The following BTNL2 variants were observed in gnomAD, a reference collection of about 807,000 sequenced individuals.
The protein encoded by BTNL2 is butyrophilin-like protein 2.
BTNL2 carries 46 observed loss-of-function variants against 46.8 expected under a neutral mutation model. The ratio of observed to expected loss-of-function variants is 0.98; its 90% CI spans 0.78 to 1.26. The LOEUF is 1.26. Among genes scored for constraint, BTNL2 ranks in the 50% most tolerant of loss-of-function variants. The pLI is 0.00. For missense variants in BTNL2, 461 were observed against 592.6 expected (o/e 0.78, Z 2.31); for synonymous variants, 226 against 229.1 (o/e 0.99, Z 0.12).
chr6:32,399,059 G>A lies in BTNL2; in HGVS notation c.731-2673C>T, dbSNP rs116923060. Among the ~76,000 whole-genome samples, 2,441 of 152,036 alleles carry A rather than the reference G, an allele frequency of 0.016. 69 individuals carry two copies. Among genetic ancestry groups the A allele is most frequent in the East Asian group, 0.098 (502 of 5,126 alleles). Reference sequence around the variant, plus strand: ...GTGTTAAGCCCAGCATCCATTAGCTGTTCTTCCTGATGCTCTCCCTCCCCC... The same window carrying A: ...GTGTTAAGCCCAGCATCCATTAGCTATTCTTCCTGATGCTCTCCCTCCCCC... On this transcript the variant is annotated intron_variant, in intron 4 of 7. Transcript: ENST00000454136. This position sits in a 1 kb window ranked among gnomAD's most constrained non-coding sequence, Gnocchi z 5.2.
At chr6:32,400,769 T>C (rs1583262977) in intron 4 of BTNL2, among the ~76,000 whole-genome samples, 2 of 96,268 alleles carry the variant, frequency 2.1e-5, no homozygotes, top group African/African-American at 3.5e-5. Context: ...AAAAATTAGC[T>C]GGGTGTGGTG....
chr6:32,402,106 T>C (rs1474742251), intron 3 of BTNL2, among the ~76,000 whole-genome samples: 1 of 152,206 alleles, frequency 6.6e-6, no homozygotes, highest in East Asian at 1.9e-4. Context: ...GTTCCTTTTA[T>C]AGATACACAG....
Position 32,393,790 on chromosome 6 carries a change from C to A in BTNL2, c.*6+173G>T. 3.6e-6 allele frequency: 3 copies of A among 834,510 alleles called. No individual in the cohort carries two copies. The highest frequency in any genetic ancestry group is 5.2e-6 in the Non-Finnish European group (3 of 572,464). The allele number at this position is 834,510 out of a possible 1,614,324, so 51.7% of individuals were successfully genotyped here. ...GTGGAAACACTGACCTCATGCATCACTGAGCCTGGATTGCATGATAAGCCC... is the reference window on the plus strand; with the variant it reads ...GTGGAAACACTGACCTCATGCATCAATGAGCCTGGATTGCATGATAAGCCC... On this transcript the variant is annotated intron_variant, in intron 7 of 7. Transcript: ENST00000454136. The surrounding 1 kb of genome is among the most constrained non-coding windows in gnomAD (Gnocchi z 4.8).
At position 32,401,574 on chromosome 6, in the gene BTNL2, G is replaced by C. The variant is rs150975892; in HGVS notation, c.730+211C>G. Among the ~76,000 whole-genome samples, 806 of 152,212 alleles carry C rather than the reference G, an allele frequency of 5.3e-3. 9 individuals are homozygous for C. Among genetic ancestry groups the C allele is most frequent in the African/African-American group, 0.018 (761 of 41,526 alleles). ...ATCTGATGCTCACTGGAATCTCCAT[G>C]AGCCCCCAAAGTGTCAGGTAACACA... On this transcript the variant is annotated intron_variant, in intron 4 of 7. Coordinates refer to ENST00000454136, the MANE Select transcript of BTNL2 (RefSeq NM_001304561.2).
At chr6:32,397,369 C>CTCTGTACCTCACTTCTGTTT (rs1474401514) in intron 4 of BTNL2, among the ~76,000 whole-genome samples, 1 of 151,906 alleles carries the variant, frequency 6.6e-6, no homozygotes, top group Non-Finnish European at 1.5e-5. Context: ...ATAGAGCTGT[C>CTCTGTACCTCACTTCTGTTT]TCTGTACCTC....
chr6:32,396,002 AG>A lies in BTNL2; in HGVS notation c.1078+36del. 2.0e-6 allele frequency: 3 copies of A among 1,494,342 alleles called. No individual in the cohort carries two copies. Among genetic ancestry groups the A allele is most frequent in the Non-Finnish European group, 2.8e-6 (3 of 1,086,194 alleles). The allele number at this position is 1,494,342 out of a possible 1,614,324, so 92.6% of individuals were successfully genotyped here. ...ACTAGCATATTAAAGTGGCAGGAGCAGGTATTGAATACAAAATATCTATCTA... is the reference window on the plus strand; with the variant it reads ...ACTAGCATATTAAAGTGGCAGGAGCAGTATTGAATACAAAATATCTATCTA... On this transcript the variant is annotated intron_variant, in intron 5 of 7. Coordinates refer to ENST00000454136, the MANE Select transcript of BTNL2 (RefSeq NM_001304561.2). This position sits in a 1 kb window ranked among gnomAD's most constrained non-coding sequence, Gnocchi z 4.4.
At chr6:32,406,877 T>G in intron 1 of BTNL2, 168 bp downstream of exon 1, 1 of 588,120 alleles carries the variant, frequency 1.7e-6, no homozygotes, top group Admixed American at 2.6e-5. Flanking sequence ...CAGCTAGGAG[T>G]GGAGGAGCTC....
rs897232165 is a variant in BTNL2, at chr6:32,403,276, C to T, written c.428-60G>A. On this transcript the variant is annotated intron_variant, in intron 2 of 7. Transcript: ENST00000454136. The stretch of plus-strand genomic sequence containing the variant: ...CCCACAGAGGCAGAAATCACAGAGG[C>T]TGAGATCCCAGTGACGTTGCTCACA... The T allele has an allele frequency of 3.9e-6, 6 of 1,519,488 alleles. No homozygotes were observed. The African/African-American group carries it at 6.9e-5, about 18-fold the overall frequency. 94.1% of individuals were successfully genotyped at this position (1,519,488 alleles called of 1,614,324 possible). A position where few individuals can be genotyped will look rare whatever the true frequency, so the allele number is the denominator to read the frequency against.
chr6:32,395,075 TG>T (rs763140434), intron 5 of BTNL2, 50 bp from the exon 6 acceptor site: 1 of 1,505,030 alleles, frequency 6.6e-7, no homozygotes, highest in African/African-American at 1.4e-5. Context: ...AGTGGATGAG[TG>T]GGCAGCAATT....
chr6:32,396,503 G>T lies in BTNL2; in HGVS notation c.731-117C>A. The T allele has an allele frequency of 2.0e-6, 2 of 1,015,748 alleles. No homozygotes were observed. The highest frequency in any genetic ancestry group is 3.0e-6 in the Non-Finnish European group (2 of 674,054). 62.9% of individuals were successfully genotyped at this position (1,015,748 alleles called of 1,614,324 possible). A position where few individuals can be genotyped will look rare whatever the true frequency, so the allele number is the denominator to read the frequency against. On this transcript the variant is annotated intron_variant, in intron 4 of 7. Coordinates refer to ENST00000454136, the MANE Select transcript of BTNL2 (RefSeq NM_001304561.2). This position sits in a 1 kb window ranked among gnomAD's most constrained non-coding sequence, Gnocchi z 4.4. ...CATGAGCATCCCAGGGTTGCTGTGA[G>T]GCTCAGGGTCATCCTTAGGTGAGGT...
intron 1 of BTNL2, chr6:32,405,597 C>T (rs10947263): frequency 0.12 from 46,923 of 396,192 alleles, 3,603 homozygotes; most frequent in East Asian, 0.31. Flanking sequence ...TCTTCATCTT[C>T]AAGATATTAA....
Position 32,396,444 on chromosome 6 carries a change from A to C in BTNL2, c.731-58T>G. ...GAATCAAAATGGAACCAATAATGTC[A>C]TCTCTAAGAACAGCTCCATTGGAGT... On this transcript the variant is annotated intron_variant, in intron 4 of 7. Coordinates refer to ENST00000454136, the MANE Select transcript of BTNL2 (RefSeq NM_001304561.2). The surrounding 1 kb of genome is among the most constrained non-coding windows in gnomAD (Gnocchi z 4.4). 573 of 1,468,480 alleles carry C rather than the reference A, an allele frequency of 3.9e-4. No homozygotes were observed. The highest frequency in any genetic ancestry group is 4.9e-4 in the Non-Finnish European group (527 of 1,071,442). The allele number at this position is 1,468,480 out of a possible 1,614,324, so 91.0% of individuals were successfully genotyped here.
At position 32,405,266 on chromosome 6, in the gene BTNL2, G is replaced by T; in HGVS notation, c.100C>A (p.Pro34Thr). 1 of 1,612,992 alleles carries T rather than the reference G, an allele frequency of 6.2e-7. No homozygotes were observed. The highest frequency in any genetic ancestry group is 8.5e-7 in the Non-Finnish European group (1 of 1,180,028). The stretch of plus-strand genomic sequence containing the variant: ...ACCCCGGCCAGGATAGGATGAGCAG[G>T]GCCAATGACTCTAAAGTCTTCTATA... Reference protein sequence around the residue: ...KQSEDFRVIGPAHPILAGVGE... With the variant: ...KQSEDFRVIGTAHPILAGVGE... Residue 34 changes from proline (P) to threonine (T), a missense_variant, in exon 2 of 8, where the codon CCT becomes ACT. Physicochemically the swap from Pro to Thr is conservative, Grantham distance 38 (BLOSUM62 -1). Coordinates refer to ENST00000454136, the MANE Select transcript of BTNL2 (RefSeq NM_001304561.2).
Position 32,396,664 on chromosome 6 carries a change from T to C in BTNL2, c.731-278A>G, listed in dbSNP as rs1179792580. Among the ~76,000 whole-genome samples the C allele has an allele frequency of 6.6e-6, 1 of 152,006 alleles. No individual in the cohort carries two copies. The highest frequency in any genetic ancestry group is 1.5e-5 in the Non-Finnish European group (1 of 67,992). On this transcript the variant is annotated intron_variant, in intron 4 of 7. Coordinates refer to ENST00000454136, the MANE Select transcript of BTNL2 (RefSeq NM_001304561.2). This position sits in a 1 kb window ranked among gnomAD's most constrained non-coding sequence, Gnocchi z 4.4. Reference sequence around the variant, plus strand: ...GTATTTTTTTCAGTTTACAGACCAATAATAAAATAATTTTGCAATTAAAAC... The same window carrying C: ...GTATTTTTTTCAGTTTACAGACCAACAATAAAATAATTTTGCAATTAAAAC...
In BTNL2 at chr6:32,405,150, T is replaced by A. The variant is rs2150323277; in HGVS notation, c.216A>T (p.Thr72=). ...CTCCATCCCTGTGCACAAACACAGG[T>A]GTGCTGGGCTCTGAGCGGTACCACC... ...EVRWYRSEPS[T]PVFVHRDGVE... is the part of the protein sequence containing the mutation. The change falls in exon 2 of 8, where the codon ACA becomes ACT. Residue 72 remains threonine (T), a synonymous_variant. Transcript: ENST00000454136. The A allele has an allele frequency of 1.2e-6, 2 of 1,613,040 alleles. No homozygotes were observed. Among genetic ancestry groups the A allele is most frequent in the Non-Finnish European group, 1.7e-6 (2 of 1,180,002 alleles).
In BTNL2 at chr6:32,393,909, C is replaced by T. The variant is rs1290033248; in HGVS notation, c.*6+54G>A. The T allele has an allele frequency of 2.6e-5, 40 of 1,540,730 alleles. No homozygotes were observed. The South Asian group carries it at 3.4e-4, about 13-fold the overall frequency. The stretch of plus-strand genomic sequence containing the variant: ...GTGAAAAGGGAGGCTCGGGGAAGTA[C>T]GCAGTACGGTTCCCACTGCAGTGTG... On this transcript the variant is annotated intron_variant, in intron 7 of 7. Coordinates refer to ENST00000454136, the MANE Select transcript of BTNL2 (RefSeq NM_001304561.2). The surrounding 1 kb of genome is among the most constrained non-coding windows in gnomAD (Gnocchi z 4.8).
chr6:32,398,997 C>T (rs118102698), intron 4 of BTNL2, among the ~76,000 whole-genome samples: 2,457 of 151,866 alleles, frequency 0.016, 74 homozygotes, highest in East Asian at 0.099. Context: ...AAACATGTGC[C>T]ATGGTGGCTT....
At chr6:32,403,300 C>G in intron 2 of BTNL2, 84 bp from the exon 3 acceptor site, 1 of 1,462,850 alleles carries the variant, frequency 6.8e-7, no homozygotes, top group Admixed American at 2.2e-5. Context: ...ACGTTGCTCA[C>G]AGGGAGGTGG....
At chr6:32,406,991 A>G in intron 1 of BTNL2, 54 bp downstream of exon 1, 1 of 1,543,462 alleles carries the variant, frequency 6.5e-7, no homozygotes, top group Non-Finnish European at 8.9e-7. Context: ...CTTTGGACCC[A>G]GACTAGCTCA....
Sources: gnomAD v4.1 joint callset for allele counts (sites outside exome capture counted in the v4.1 genomes callset) on GRCh38, gnomAD v4.1.1 for gene constraint, Gnocchi (gnomAD v3.1) non-coding constraint, MANE v1.5 for transcripts, NCBI Gene and HGNC (gene_info 2026-07-23, HGNC 2026-07-21) for gene names.